The following IQCH variants were observed in gnomAD, a reference collection of about 807,000 sequenced individuals.
IQCH encodes IQ motif containing H.
IQCH carries 98 observed loss-of-function variants against 117.0 expected under a neutral mutation model. That is an observed-to-expected ratio of 0.84 (90% CI 0.71 to 0.99). The LOEUF (loss-of-function observed/expected upper bound fraction) is 0.99. IQCH is among the 50% of genes least tolerant of loss of function. The pLI is 0.00. For missense variants in IQCH, 1,102 were observed against 1,243.8 expected (o/e 0.89, Z 1.72); for synonymous variants, 412 against 448.2 (o/e 0.92, Z 1.02).
rs1596362325 is a variant in IQCH at position 67,431,406 on chromosome 15, T to C, written c.2505+9829T>C. ...GGAACAGAAAACCAAATACTGCATG[T>C]TCCCACTTATAAGTGGGAGCTAAAT... On this transcript the variant is annotated intron_variant, in intron 16 of 20. Coordinates refer to ENST00000335894, the MANE Select transcript of IQCH (RefSeq NM_001031715.3). This position sits in a 1 kb window ranked among gnomAD's most constrained non-coding sequence, Gnocchi z 4.8. 1.3e-5 allele frequency among the ~76,000 whole-genome samples: 2 copies of C among 152,222 alleles called. No homozygotes were observed. Among genetic ancestry groups the C allele is most frequent in the South Asian group, 4.1e-4 (2 of 4,822 alleles).
intron 18 of IQCH, among the ~76,000 whole-genome samples, chr15:67,482,858 G>A (rs1338394698): frequency 6.6e-6 from 1 of 152,180 alleles, no homozygotes; most frequent in Non-Finnish European, 1.5e-5. Context: ...AGATTCTGGG[G>A]TACATAAGTA....
intron 7 of IQCH, among the ~76,000 whole-genome samples, chr15:67,358,263 C>T (rs992101384): frequency 6.6e-4 from 81 of 122,342 alleles, no homozygotes; most frequent in African/African-American, 2.4e-3. Flanking sequence ...GGCACAGTCT[C>T]GGCTCACTGC....
rs554073295 is a variant in IQCH, at chr15:67,481,442, G to A, written c.2799+5624G>A. ...ACTCACTCACTATCATGAGAACAGT[G>A]TAAGGGTAACCACCCCCATGGTTCA... On this transcript the variant is annotated intron_variant, in intron 18 of 20. Coordinates refer to ENST00000335894, the MANE Select transcript of IQCH (RefSeq NM_001031715.3). The surrounding 1 kb of genome is among the most constrained non-coding windows in gnomAD (Gnocchi z 4.1). Among the ~76,000 whole-genome samples, 2 of 152,278 alleles carry A rather than the reference G, an allele frequency of 1.3e-5. No homozygotes were observed. Among genetic ancestry groups the A allele is most frequent in the Admixed American group, 1.3e-4 (2 of 15,302 alleles).
rs570487082 is a variant in IQCH at position 67,274,590 on chromosome 15, T to C, written c.270-4805T>C. Among the ~76,000 whole-genome samples the C allele has an allele frequency of 2.8e-4, 42 of 152,348 alleles. 1 individual carries two copies. The East Asian group carries it at 4.8e-3, about 17-fold the overall frequency. ...GTGTTATCTTGGTGATCACTGAGTT[T>C]CCTTATAATTGCTATTTTGTTCTTG... On this transcript the variant is annotated intron_variant, in intron 3 of 20. Transcript: ENST00000335894.
chr15:67,262,858 G>A (rs1965515087), intron 2 of IQCH, among the ~76,000 whole-genome samples: 2 of 151,978 alleles, frequency 1.3e-5, no homozygotes, highest in South Asian at 2.1e-4. Context: ...CTTCAGCCTG[G>A]GCAACAGAGC....
At chr15:67,295,599 A>G (rs1481918550) in intron 4 of IQCH, among the ~76,000 whole-genome samples, 1 of 152,168 alleles carries the variant, frequency 6.6e-6, no homozygotes, top group Non-Finnish European at 1.5e-5. Flanking sequence ...TAAGAATTTT[A>G]TGACTTCCAA....
chr15:67,357,227 G>A (rs1969924858), intron 6 of IQCH, 118 bp from the exon 7 acceptor site: 1 of 709,366 alleles, frequency 1.4e-6, no homozygotes. Context: ...AAGAAAGGTA[G>A]TGAGCGCACA....
chr15:67,378,294 A>G (rs1970806861), intron 10 of IQCH, among the ~76,000 whole-genome samples: 1 of 151,908 alleles, frequency 6.6e-6, no homozygotes, highest in African/African-American at 2.4e-5. Flanking sequence ...TACCCAGTTC[A>G]ATGCTGCTTT....
chr15:67,371,562 TA>T, intron 8 of IQCH: 1 of 1,323,448 alleles, frequency 7.6e-7, no homozygotes, highest in Non-Finnish European at 1.1e-6. Flanking sequence ...ATGTTCCTTG[TA>T]AAAATGACCT....
At chr15:67,446,643 G>A (rs969585033) in intron 16 of IQCH, among the ~76,000 whole-genome samples, 1 of 152,126 alleles carries the variant, frequency 6.6e-6, no homozygotes, top group Admixed American at 6.5e-5. Flanking sequence ...ACTCCAGGGT[G>A]CCTTTCAGCC....
At chr15:67,328,139 T>G (rs1333975528) in intron 4 of IQCH, among the ~76,000 whole-genome samples, 3 of 135,062 alleles carry the variant, frequency 2.2e-5, no homozygotes, top group African/African-American at 8.0e-5. Context: ...TTTGTGGGGG[T>G]TTTTTGTTTG....
In IQCH at chr15:67,445,023, T is replaced by G. The variant is rs534359383; in HGVS notation, c.2506-20104T>G. ...TTAAGAGCCCTTCTGTCATTTTAAA[T>G]TATTTATGTTTCTTAGAAATAATGA... is the stretch of plus-strand genomic sequence containing the variant. On this transcript the variant is annotated intron_variant, in intron 16 of 20. Transcript: ENST00000335894. The surrounding 1 kb of genome is among the most constrained non-coding windows in gnomAD (Gnocchi z 4.3). Among the ~76,000 whole-genome samples, 1 of 152,358 alleles carries G rather than the reference T, an allele frequency of 6.6e-6. No homozygotes were observed. Among genetic ancestry groups the G allele is most frequent in the South Asian group, 2.1e-4 (1 of 4,832 alleles).
intron 1 of IQCH, among the ~76,000 whole-genome samples, chr15:67,257,921 G>A (rs1038831421): frequency 9.2e-5 from 14 of 152,194 alleles, no homozygotes; most frequent in Non-Finnish European, 1.6e-4. Flanking sequence ...TTTGTCAGGT[G>A]CATACAATAT....
chr15:67,397,749 T>G (rs767055220), intron 13 of IQCH, among the ~76,000 whole-genome samples: 1 of 146,678 alleles, frequency 6.8e-6, no homozygotes, highest in Non-Finnish European at 1.5e-5. Flanking sequence ...GCTAAAAAAA[T>G]TTATTACATC....
chr15:67,362,200 C>CA (rs1970165552), intron 8 of IQCH, among the ~76,000 whole-genome samples: 1 of 151,054 alleles, frequency 6.6e-6, no homozygotes, highest in African/African-American at 2.4e-5. Flanking sequence ...GCAAAGACGA[C>CA]AAAAAATTAA....
chr15:67,351,636 A>T (rs1286675282), intron 6 of IQCH, among the ~76,000 whole-genome samples: 2 of 152,214 alleles, frequency 1.3e-5, no homozygotes, highest in African/African-American at 4.8e-5. Flanking sequence ...AGTGTGTAAG[A>T]TACTCTGTGG....
intron 13 of IQCH, among the ~76,000 whole-genome samples, chr15:67,397,156 C>T (rs889057894): frequency 1.3e-5 from 2 of 152,230 alleles, no homozygotes; most frequent in Non-Finnish European, 2.9e-5. Flanking sequence ...CACACATGTA[C>T]TATACATTAA....
rs555652224 is a variant in IQCH, at chr15:67,260,860, G to A, written c.52-412G>A. ...TGCCTGTAATCCCAGCACTTTGGGA[G>A]GCCGAGGTGGGAAGATCATGAGGAC... is the stretch of plus-strand genomic sequence containing the variant. On this transcript the variant is annotated intron_variant, in intron 1 of 20. Coordinates refer to ENST00000335894, the MANE Select transcript of IQCH (RefSeq NM_001031715.3). Among the ~76,000 whole-genome samples, 5 of 152,202 alleles carry A rather than the reference G, an allele frequency of 3.3e-5. No individual in the cohort carries two copies. The South Asian group carries it at 1.0e-3, about 32-fold the overall frequency.
chr15:67,385,363 C>T lies in IQCH; in HGVS notation c.1456+344C>T, dbSNP rs1567145748. On this transcript the variant is annotated intron_variant, in intron 11 of 20. Transcript: ENST00000335894. This position sits in a 1 kb window ranked among gnomAD's most constrained non-coding sequence, Gnocchi z 4.6. ...GTCAAAGTTTTACATTTGTGTCAGT[C>T]TTGTCTCTTATAGTATCTGGGGAAT... Among the ~76,000 whole-genome samples the T allele has an allele frequency of 6.6e-6, 1 of 152,034 alleles. No individual in the cohort carries two copies. The highest frequency in any genetic ancestry group is 2.4e-5 in the African/African-American group (1 of 41,398).
Sources: allele counts gnomAD v4.1 joint callset (sites outside exome capture counted in the v4.1 genomes callset), GRCh38; gene constraint gnomAD v4.1.1; non-coding constraint Gnocchi (gnomAD v3.1); transcripts MANE v1.5; gene names NCBI Gene and HGNC (gene_info 2026-07-23, HGNC 2026-07-21).